Variants in LUZP2 observed in about 807,000 individuals in gnomAD.
LUZP2 encodes leucine zipper protein 2.
LUZP2 carries 52 observed loss-of-function variants against 51.6 expected under a neutral mutation model. That is an observed-to-expected ratio of 1.01 (90% CI 0.81 to 1.27). LUZP2 has a LOEUF of 1.27. Ranked by LOEUF, LUZP2 falls within the 50% of genes most tolerant of loss-of-function variation. The pLI, the probability that LUZP2 is intolerant of heterozygous loss-of-function variation, is 0.00. For missense variants in LUZP2, 436 were observed against 395.4 expected (o/e 1.10, Z -0.87); for synonymous variants, 154 against 137.3 (o/e 1.12, Z -0.85).
intron 7 of LUZP2, among the ~76,000 whole-genome samples, chr11:24,963,107 G>T (rs1176252342): frequency 6.6e-6 from 1 of 152,154 alleles, no homozygotes; most frequent in South Asian, 2.1e-4. Flanking sequence ...GCTGCTGTCT[G>T]ATCATTCTTC....
chr11:25,072,229 T>C (rs1392008783), intron 10 of LUZP2, among the ~76,000 whole-genome samples: 1 of 152,084 alleles, frequency 6.6e-6, no homozygotes, highest in Non-Finnish European at 1.5e-5. Flanking sequence ...ATCATTACAC[T>C]TAAATCTCTC....
chr11:24,628,128 C>A (rs957266097), intron 1 of LUZP2, among the ~76,000 whole-genome samples: 4 of 151,978 alleles, frequency 2.6e-5, no homozygotes, highest in Admixed American at 1.3e-4. Flanking sequence ...AAGATGCGTA[C>A]TTTTAAATTT....
In LUZP2 at chr11:25,015,830, A is replaced by G. The variant is rs1270977009; in HGVS notation, c.765+32537A>G. Among the ~76,000 whole-genome samples the G allele has an allele frequency of 4.0e-5, 6 of 151,030 alleles. No homozygotes were observed. The East Asian group carries it at 1.2e-3, about 29-fold the overall frequency. On this transcript the variant is annotated intron_variant, in intron 9 of 11. Transcript: ENST00000336930. ...TTTCATTTACTATGTATTTACTTCA[A>G]TAGCTTTAGGGGTATCAGTGGGTTT...
At chr11:24,556,606 G>A (rs1851877224) in intron 1 of LUZP2, among the ~76,000 whole-genome samples, 1 of 152,134 alleles carries the variant, frequency 6.6e-6, no homozygotes, top group Non-Finnish European at 1.5e-5. Context: ...CTTCCAGAAA[G>A]GTAGAAGAGT....
chr11:24,706,752 T>C (rs527834569), intron 1 of LUZP2, among the ~76,000 whole-genome samples: 4 of 152,286 alleles, frequency 2.6e-5, no homozygotes, highest in Admixed American at 2.6e-4. Context: ...ATGTTCCAAG[T>C]TTCTTTTCAT....
intron 1 of LUZP2, among the ~76,000 whole-genome samples, chr11:24,587,650 T>C (rs1299100436): frequency 6.6e-6 from 1 of 152,102 alleles, no homozygotes; most frequent in Non-Finnish European, 1.5e-5. Context: ...CAAAACATCT[T>C]GTGATGACTA....
At chr11:24,511,343 A>G (rs1249491504) in intron 1 of LUZP2, among the ~76,000 whole-genome samples, 1 of 152,160 alleles carries the variant, frequency 6.6e-6, no homozygotes, top group African/African-American at 2.4e-5. Flanking sequence ...TCATTTTGTT[A>G]TACATGACAA....
At chr11:24,879,176 C>T (rs951666259) in intron 5 of LUZP2, among the ~76,000 whole-genome samples, 1 of 151,972 alleles carries the variant, frequency 6.6e-6, no homozygotes, top group African/African-American at 2.4e-5. Context: ...GATCTCCTGA[C>T]CTCGTGATCC....
At chr11:25,021,003 AAAC>A (rs1242831220) in intron 9 of LUZP2, among the ~76,000 whole-genome samples, 1 of 152,156 alleles carries the variant, frequency 6.6e-6, no homozygotes, top group African/African-American at 2.4e-5. Context: ...TTGCAAAATT[AAAC>A]AACTCTAGAA....
intron 7 of LUZP2, among the ~76,000 whole-genome samples, chr11:24,944,418 A>G (rs184815157): frequency 2.9e-4 from 44 of 152,352 alleles, no homozygotes; most frequent in Admixed American, 2.3e-3. Context: ...ACATATGCAT[A>G]TAATTTTTGT....
intron 1 of LUZP2, among the ~76,000 whole-genome samples, chr11:24,707,056 A>C (rs1857614256): frequency 6.6e-6 from 1 of 151,918 alleles, no homozygotes; most frequent in African/African-American, 2.4e-5. Flanking sequence ...AGAAGAAAAA[A>C]GTATATATAA....
At position 25,080,681 on chromosome 11, in the gene LUZP2, T is replaced by C. The variant is rs886089666; in HGVS notation, c.*2023T>C. 2.6e-5 allele frequency: 4 copies of C among 152,166 alleles called. No homozygotes were observed. The highest frequency in any genetic ancestry group is 9.7e-5 in the African/African-American group (4 of 41,440). 9.4% of individuals were successfully genotyped at this position (152,166 alleles called of 1,614,324 possible). A position where few individuals can be genotyped will look rare whatever the true frequency, so the allele number is the denominator to read the frequency against. On this transcript the variant is annotated 3_prime_UTR_variant, in exon 12 of 12. Coordinates refer to ENST00000336930, the MANE Select transcript of LUZP2 (RefSeq NM_001009909.4). ...TGTTCTCAGTGGCCCTAACCATCTC[T>C]ATAGGTTCCTGACAGGGAAGCAGAT...
At chr11:24,590,837 A>G (rs1237112077) in intron 1 of LUZP2, among the ~76,000 whole-genome samples, 1 of 152,172 alleles carries the variant, frequency 6.6e-6, no homozygotes, top group Non-Finnish European at 1.5e-5. Flanking sequence ...TGGATTGCAC[A>G]TGTGGAGTTT....
At chr11:24,931,074 GGT>G (rs1397852665) in intron 7 of LUZP2, among the ~76,000 whole-genome samples, 2 of 152,030 alleles carry the variant, frequency 1.3e-5, no homozygotes, top group East Asian at 3.9e-4. Flanking sequence ...GGCTGGGCAT[GGT>G]GGCGCGTGCC....
chr11:24,656,623 T>C (rs1175471305), intron 1 of LUZP2, among the ~76,000 whole-genome samples: 1 of 152,160 alleles, frequency 6.6e-6, no homozygotes, highest in African/African-American at 2.4e-5. Flanking sequence ...AGGGTTTAGG[T>C]ATATTTAAGT....
At chr11:24,937,698 A>G (rs927491158) in intron 7 of LUZP2, among the ~76,000 whole-genome samples, 6 of 151,836 alleles carry the variant, frequency 4.0e-5, no homozygotes, top group South Asian at 2.1e-4. Flanking sequence ...TCAGGAGATC[A>G]AGACCATCCT....
chr11:24,725,902 G>C (rs1201430924), intron 1 of LUZP2, among the ~76,000 whole-genome samples: 1 of 152,118 alleles, frequency 6.6e-6, no homozygotes, highest in Non-Finnish European at 1.5e-5. Flanking sequence ...CACCGGGAAG[G>C]AAGATGCTGT....
chr11:24,878,223 C>T (rs1450489900), intron 5 of LUZP2, among the ~76,000 whole-genome samples: 1 of 151,032 alleles, frequency 6.6e-6, no homozygotes, highest in African/African-American at 2.4e-5. Context: ...TCTTGTAGGA[C>T]AGGTCTGGTG....
intron 1 of LUZP2, among the ~76,000 whole-genome samples, chr11:24,630,673 C>CTTTTT: frequency 7.6e-6 from 1 of 131,658 alleles, no homozygotes; most frequent in African/African-American, 2.8e-5. Context: ...GCTATTCCGA[C>CTTTTT]TTTTTTTTTT....
Sources: gnomAD v4.1 joint callset for allele counts (sites outside exome capture counted in the v4.1 genomes callset) on GRCh38, gnomAD v4.1.1 for gene constraint, MANE v1.5 for transcripts, NCBI Gene and HGNC (gene_info 2026-07-23, HGNC 2026-07-21) for gene names.